The following NIM1K variants were observed in gnomAD, a reference collection of about 807,000 sequenced individuals.
NIM1K encodes NIM1 serine/threonine protein kinase, also known as serine/threonine-protein kinase NIM1.
A neutral mutation model predicts 37.1 loss-of-function variants in NIM1K; 35 were observed. That is an observed-to-expected ratio of 0.94 (90% CI 0.72 to 1.25). NIM1K has a LOEUF of 1.25. Ranked by LOEUF, NIM1K falls within the 50% of genes most tolerant of loss-of-function variation. The pLI is 0.00. For synonymous variants in NIM1K, 234 were observed against 206.6 expected (o/e 1.13, Z -1.14); for missense variants, 564 against 548.0 (o/e 1.03, Z -0.29).
chr5:43,245,890 G>A lies in NIM1K; in HGVS notation c.115G>A (p.Glu39Lys), dbSNP rs199945752. 1 of 1,614,164 alleles carries A rather than the reference G, an allele frequency of 6.2e-7. No homozygotes were observed. The highest frequency in any genetic ancestry group is 2.2e-5 in the East Asian group (1 of 44,874). ...GACCGAGAGTAGCAAGGAGGGTGAG[G>A]AGGGACAGCCCCGCCAGCTGACGCC... Reference protein sequence around the residue: ...CQTESSKEGEEGQPRQLTPFE... With the variant: ...CQTESSKEGEKGQPRQLTPFE... The change falls in exon 2 of 4, where the codon GAG becomes AAG. Residue 39 changes from glutamate to lysine, a missense_variant. By Grantham distance (56) the Glu-to-Lys change is moderately conservative. Coordinates refer to ENST00000326035, the MANE Select transcript of NIM1K (RefSeq NM_153361.4).
intron 1 of NIM1K, among the ~76,000 whole-genome samples, chr5:43,243,704 C>G (rs1752737424): frequency 6.6e-6 from 1 of 152,028 alleles, no homozygotes; most frequent in South Asian, 2.1e-4. Context: ...GAGACAGGGT[C>G]CGGCATTGTC....
chr5:43,207,873 A>G (rs1457886802), intron 1 of NIM1K: 2 of 286,190 alleles, frequency 7.0e-6, no homozygotes, highest in Non-Finnish European at 1.2e-5. Context: ...TATGCTGTAC[A>G]TGACATCAGA....
intron 1 of NIM1K, among the ~76,000 whole-genome samples, chr5:43,215,496 G>A (rs1011267837): frequency 6.6e-6 from 1 of 152,138 alleles, no homozygotes; most frequent in African/African-American, 2.4e-5. Flanking sequence ...GTGTAGTGGC[G>A]CAATCTCGGC....
intron 1 of NIM1K, chr5:43,206,741 G>T: frequency 1.1e-5 from 8 of 745,268 alleles, no homozygotes; most frequent in Non-Finnish European, 2.0e-5. Context: ...TTGACTTCAT[G>T]CTTGGCACCA....
At chr5:43,233,371 C>G (rs1442669578) in intron 1 of NIM1K, among the ~76,000 whole-genome samples, 2 of 151,822 alleles carry the variant, frequency 1.3e-5, no homozygotes, top group Non-Finnish European at 2.9e-5. Context: ...CTCTCACTTA[C>G]CTCCAGTGCT....
intron 2 of NIM1K, among the ~76,000 whole-genome samples, chr5:43,263,952 G>A (rs1753078256): frequency 6.6e-6 from 1 of 152,138 alleles, no homozygotes; most frequent in South Asian, 2.1e-4. Context: ...TCTTAATCCT[G>A]AGTTCTAGTT....
intron 2 of NIM1K, among the ~76,000 whole-genome samples, chr5:43,269,587 T>G (rs754474623): frequency 2.6e-5 from 4 of 150,954 alleles, no homozygotes; most frequent in Non-Finnish European, 5.9e-5. Flanking sequence ...CTGGATCCTT[T>G]TGTGTGTGTG....
At chr5:43,244,784 G>T (rs1752752119) in intron 1 of NIM1K, among the ~76,000 whole-genome samples, 1 of 152,088 alleles carries the variant, frequency 6.6e-6, no homozygotes, top group Non-Finnish European at 1.5e-5. Flanking sequence ...TTTAAAATTT[G>T]GTTTTAAAGC....
In NIM1K at chr5:43,204,540, A is replaced by T. The variant is rs949187434; in HGVS notation, c.-695+12129A>T. 7.3e-5 allele frequency among the ~76,000 whole-genome samples: 11 copies of T among 150,946 alleles called. No individual in the cohort carries two copies. The East Asian group carries it at 2.0e-3, about 27-fold the overall frequency. On this transcript the variant is annotated intron_variant, in intron 1 of 3. Coordinates refer to ENST00000326035, the MANE Select transcript of NIM1K (RefSeq NM_153361.4). ...AACTTGGCAAAATCCCGTCTCTACT[A>T]AAAAAATACAAAAAATTAGGCGGGC...
chr5:43,236,352 T>C (rs1290131432), intron 1 of NIM1K, among the ~76,000 whole-genome samples: 1 of 151,834 alleles, frequency 6.6e-6, no homozygotes, highest in Non-Finnish European at 1.5e-5. Context: ...GTGGGTGGAT[T>C]GCACCTGTAA....
chr5:43,263,648 C>G (rs913881413), intron 2 of NIM1K, among the ~76,000 whole-genome samples: 1 of 151,532 alleles, frequency 6.6e-6, no homozygotes, highest in Non-Finnish European at 1.5e-5. Flanking sequence ...TTAGTCATTT[C>G]TTGCTTTCTG....
At chr5:43,265,592 AT>A (rs1345036554) in intron 2 of NIM1K, among the ~76,000 whole-genome samples, 1 of 152,020 alleles carries the variant, frequency 6.6e-6, no homozygotes, top group African/African-American at 2.4e-5. Flanking sequence ...GAAGTTTGTT[AT>A]TACCAATTGT....
chr5:43,228,951 A>G (rs1439347412), intron 1 of NIM1K, among the ~76,000 whole-genome samples: 1 of 152,218 alleles, frequency 6.6e-6, no homozygotes, highest in African/African-American at 2.4e-5. Flanking sequence ...ATTTAGATTA[A>G]CAGTATTACA....
chr5:43,248,255 G>C (rs1752813696), intron 2 of NIM1K, among the ~76,000 whole-genome samples: 1 of 152,228 alleles, frequency 6.6e-6, no homozygotes, highest in African/African-American at 2.4e-5. Context: ...AACAGTAGGG[G>C]AAGTAGGGTA....
chr5:43,238,786 G>C (rs1752656228), intron 1 of NIM1K, among the ~76,000 whole-genome samples: 1 of 151,642 alleles, frequency 6.6e-6, no homozygotes, highest in Non-Finnish European at 1.5e-5. Context: ...AGCCAACCTC[G>C]AGGTTTTTAT....
At position 43,280,532 on chromosome 5, in the gene NIM1K, C is replaced by T. The variant is rs773208490; in HGVS notation, c.1114C>T (p.Arg372Ter). 2 of 1,614,064 alleles carry T rather than the reference C, an allele frequency of 1.2e-6. No homozygotes were observed. The highest frequency in any genetic ancestry group is 1.3e-5 in the African/African-American group (1 of 75,032). ...TTTGGGCATTACAGAAGAGCATATTCGAAATAACCAAGGGAGAGATGCTCG... is the reference window on the plus strand; with the variant it reads ...TTTGGGCATTACAGAAGAGCATATTTGAAATAACCAAGGGAGAGATGCTCG... ...EHLGITEEHI[R>*]NNQGRDARSS... The change falls in exon 4 of 4, where the codon CGA becomes TGA. Residue 372 changes from arginine (R) to a stop codon, truncating the protein, a stop_gained. Coordinates refer to ENST00000326035, the MANE Select transcript of NIM1K (RefSeq NM_153361.4). LOFTEE classifies it high-confidence loss of function.
At chr5:43,268,971 T>C (rs1005939551) in intron 2 of NIM1K, among the ~76,000 whole-genome samples, 9 of 151,920 alleles carry the variant, frequency 5.9e-5, no homozygotes, top group Admixed American at 4.6e-4. Context: ...TTTTCTTTTT[T>C]TTAACTGTTG....
At chr5:43,233,935 C>G (rs1752580001) in intron 1 of NIM1K, among the ~76,000 whole-genome samples, 1 of 152,030 alleles carries the variant, frequency 6.6e-6, no homozygotes, top group South Asian at 2.1e-4. Flanking sequence ...GGCATAGGTC[C>G]TCAGAGAAGA....
intron 1 of NIM1K, among the ~76,000 whole-genome samples, chr5:43,243,940 T>G (rs1752740735): frequency 6.6e-6 from 1 of 152,220 alleles, no homozygotes. Flanking sequence ...GTCTCTAACC[T>G]AGAGATGTGC....
Sources: gnomAD v4.1 joint callset for allele counts (sites outside exome capture counted in the v4.1 genomes callset) on GRCh38, gnomAD v4.1.1 for gene constraint, MANE v1.5 for transcripts, NCBI Gene and HGNC (gene_info 2026-07-23, HGNC 2026-07-21) for gene names.